Variants in PADI6 observed in about 807,000 individuals in gnomAD.
PADI6 encodes peptidyl arginine deiminase 6, also known as inactive protein-arginine deiminase type-6.
Under a neutral mutation model 78.2 loss-of-function variants are expected in PADI6, and 66 were observed. That is an observed-to-expected ratio of 0.84 (90% CI 0.69 to 1.04). PADI6 has a LOEUF of 1.04. Ranked by LOEUF, PADI6 falls within the 50% of genes least tolerant of loss-of-function variation. The probability of loss-of-function intolerance (pLI) is 0.00; values close to 1 mark genes in which losing one functional copy is unlikely to be tolerated. For synonymous variants in PADI6, 397 were observed against 346.9 expected (o/e 1.14, Z -1.60); for missense variants, 854 against 866.1 (o/e 0.99, Z 0.18).
At chr1:17,395,492 C>A in intron 12 of PADI6, 48 bp from the exon 13 acceptor site, 3 of 1,542,294 alleles carry the variant, frequency 1.9e-6, no homozygotes, top group Non-Finnish European at 2.6e-6. Context: ...TATGAGCCAC[C>A]ATGTCCAGCT....
intron 2 of PADI6, 90 bp downstream of exon 2, chr1:17,373,323 G>A (rs995993485): frequency 1.1e-5 from 16 of 1,453,468 alleles, no homozygotes; most frequent in African/African-American, 5.6e-5. Context: ...GACGTGACTC[G>A]AGCCTGGGAA....
intron 3 of PADI6, among the ~76,000 whole-genome samples, chr1:17,376,718 A>C (rs1197939963): frequency 6.6e-6 from 1 of 151,680 alleles, no homozygotes; most frequent in Non-Finnish European, 1.5e-5. Context: ...TTTAAAGTCT[A>C]TTCTCCCACC....
At chr1:17,391,557 T>C (rs1302436778) in intron 8 of PADI6, among the ~76,000 whole-genome samples, 1 of 152,252 alleles carries the variant, frequency 6.6e-6, no homozygotes, top group Non-Finnish European at 1.5e-5. Context: ...CACACTGCTG[T>C]TTCCCTTCAA....
At chr1:17,385,318 A>C (rs1266391808) in intron 6 of PADI6, among the ~76,000 whole-genome samples, 2 of 152,132 alleles carry the variant, frequency 1.3e-5, no homozygotes, top group East Asian at 3.8e-4. Context: ...GTGTGACCAG[A>C]ATGGAGGTTT....
At chr1:17,389,634 C>T (rs2075162111) in intron 8 of PADI6, among the ~76,000 whole-genome samples, 4 of 152,190 alleles carry the variant, frequency 2.6e-5, no homozygotes, top group Admixed American at 2.6e-4. Context: ...AATCCAGGAG[C>T]AGTCTCTAGC....
In PADI6 at chr1:17,393,985, C is replaced by G. The variant is rs765300452; in HGVS notation, c.1085C>G (p.Ala362Gly). The G allele has an allele frequency of 1.9e-6, 3 of 1,613,732 alleles. No individual in the cohort carries two copies. Among genetic ancestry groups the G allele is most frequent in the Non-Finnish European group, 2.5e-6 (3 of 1,179,728 alleles). Residue 362 changes from alanine (A) to glycine (G), a missense_variant, in exon 10 of 16, where the codon GCC becomes GGC. Ala to Gly is a moderately conservative substitution (Grantham distance 60). Transcript: ENST00000619609. ...TCCTCTCCATTCCAGGATGAGATGG[C>G]CTTCTGCTACACCCAGGCTCCCCAC... Reference protein sequence around the residue: ...RLGRWLQDEMAFCYTQAPHKT... With the variant: ...RLGRWLQDEMGFCYTQAPHKT...
chr1:17,397,019 G>A, intron 13 of PADI6, 52 bp from the exon 14 acceptor site: 7 of 1,574,284 alleles, frequency 4.4e-6, no homozygotes, highest in Non-Finnish European at 6.1e-6. Flanking sequence ...CCAGCTCTGG[G>A]CAGTGCTGCC....
At position 17,372,265 on chromosome 1, in the gene PADI6, G is replaced by A. The variant is rs764639918; in HGVS notation, c.20G>A (p.Arg7Gln). The A allele has an allele frequency of 5.1e-5, 82 of 1,613,952 alleles. No individual in the cohort carries two copies. Among genetic ancestry groups the A allele is most frequent in the Middle Eastern group, 4.9e-4 (3 of 6,062 alleles). ...CTGAGGATGGTCAGCGTGGAGGGCC[G>A]AGCCATGTCCTTCCAGAGTATCATC... is the stretch of plus-strand genomic sequence containing the variant. MVSVEG[R>Q]AMSFQSIIHL... is the part of the protein sequence containing the mutation. The change falls in exon 1 of 16, where the codon CGA (arginine) becomes CAA (glutamine). Residue 7 changes from arginine to glutamine, a missense_variant. Arg to Gln is a conservative substitution (Grantham distance 43). Transcript: ENST00000619609.
intron 15 of PADI6, among the ~76,000 whole-genome samples, chr1:17,399,737 AG>A (rs1424320368): frequency 7.2e-6 from 1 of 139,096 alleles, no homozygotes; most frequent in Non-Finnish European, 1.6e-5. Context: ...TTTAAAAAAA[AG>A]AAAAAAAAAA....
chr1:17,388,264 C>T, intron 6 of PADI6, 117 bp from the exon 7 acceptor site: 1 of 964,836 alleles, frequency 1.0e-6, no homozygotes, highest in Non-Finnish European at 1.5e-6. Context: ...CAGCTCCAGC[C>T]CTCCTGGAAC....
chr1:17,394,233 G>C, intron 10 of PADI6, 67 bp from the exon 11 acceptor site: 1 of 1,587,126 alleles, frequency 6.3e-7, no homozygotes, highest in Admixed American at 1.7e-5. Context: ...CCTGGATTTA[G>C]GGATAAGACT....
chr1:17,383,478 G>A (rs900420116), intron 6 of PADI6, among the ~76,000 whole-genome samples: 12 of 152,232 alleles, frequency 7.9e-5, no homozygotes, highest in Non-Finnish European at 1.5e-4. Flanking sequence ...CTTGGAGTCC[G>A]CCGGTTCATG....
Position 17,381,122 on chromosome 1 carries a change from C to T in PADI6, c.511C>T (p.Gln171Ter), listed in dbSNP as rs766011130. Reference protein sequence around the residue: ...VNCNPADVGQQLEDKKTKKVI... With the variant: ...VNCNPADVGQ ...TTGCAACCCTGCTGATGTGGGCCAG[C>T]AACTTGAGGACAAGAAAACCAAGAA... Residue 171 changes from glutamine (Q) to a stop codon, truncating the protein, a stop_gained, in exon 5 of 16, where the codon CAA becomes TAA. Coordinates refer to ENST00000619609, the MANE Select transcript of PADI6 (RefSeq NM_207421.4). LOFTEE classifies it high-confidence loss of function. 14 of 1,609,768 alleles carry T rather than the reference C, an allele frequency of 8.7e-6. No homozygotes were observed. Among genetic ancestry groups the T allele is most frequent in the Non-Finnish European group, 1.1e-5 (13 of 1,178,202 alleles).
chr1:17,401,167 T>C, intron 15 of PADI6, 38 bp from the exon 16 acceptor site: 1 of 1,598,566 alleles, frequency 6.3e-7, no homozygotes. Context: ...AGGCCTCTGA[T>C]CCCTGTCCAG....
chr1:17,390,624 C>T (rs893748084), intron 8 of PADI6, among the ~76,000 whole-genome samples: 3 of 146,322 alleles, frequency 2.1e-5, no homozygotes, highest in African/African-American at 7.5e-5. Flanking sequence ...AAGACTTCTA[C>T]CCCTCTTCCA....
intron 6 of PADI6, among the ~76,000 whole-genome samples, chr1:17,383,898 C>T (rs2075096294): frequency 6.6e-6 from 1 of 151,974 alleles, no homozygotes; most frequent in African/African-American, 2.4e-5. Context: ...CCTATAATCC[C>T]AACACTTCGG....
chr1:17,401,118 TG>T, intron 15 of PADI6, 86 bp from the exon 16 acceptor site: 1 of 1,282,356 alleles, frequency 7.8e-7, no homozygotes, highest in Non-Finnish European at 1.1e-6. Context: ...CTGCTACGCC[TG>T]GTCTGACCGC....
chr1:17,378,664 G>A (rs1029544357), intron 3 of PADI6, among the ~76,000 whole-genome samples: 3 of 152,060 alleles, frequency 2.0e-5, no homozygotes, highest in African/African-American at 7.2e-5. Context: ...GAGTGGAGTG[G>A]TGCGATCTCT....
At chr1:17,375,582 AAAG>A in intron 3 of PADI6, 83 bp downstream of exon 3, 4 of 1,270,138 alleles carry the variant, frequency 3.1e-6, no homozygotes, top group Non-Finnish European at 4.4e-6. Flanking sequence ...AGGAGCCAAA[AAAG>A]ATTCTCCAGG....
Sources: gnomAD v4.1 joint callset for allele counts (sites outside exome capture counted in the v4.1 genomes callset) on GRCh38, gnomAD v4.1.1 for gene constraint, MANE v1.5 for transcripts, NCBI Gene and HGNC (gene_info 2026-07-23, HGNC 2026-07-21) for gene names.